BRWD1: variants seen among roughly 807,000 people sequenced by gnomAD.
The protein encoded by BRWD1 is bromodomain and WD repeat-containing protein 1.
Under a neutral mutation model 251.2 loss-of-function variants are expected in BRWD1, and 82 were observed. That is an observed-to-expected ratio of 0.33 (90% confidence interval 0.27 to 0.39). BRWD1 has a LOEUF of 0.39. BRWD1 is among the 10% of genes least tolerant of loss of function. BRWD1 has a pLI of 1.00. For synonymous variants in BRWD1, 918 were observed against 902.8 expected, an observed-to-expected ratio of 1.02 and a Z score of -0.30; for missense variants, 2,233 against 2,711.6, an observed-to-expected ratio of 0.82 and a Z score of 3.92.
In BRWD1 at chr21:39,190,881, C is replaced by T; in HGVS notation, c.*5378G>A. 3.0e-6 allele frequency: 3 copies of T among 985,312 alleles called. No individual in the cohort carries two copies. The highest frequency in any genetic ancestry group is 3.6e-6 in the Non-Finnish European group (3 of 829,878). The allele number at this position is 985,312 out of a possible 1,614,324, so 61.0% of individuals were successfully genotyped here. A position where few individuals can be genotyped will look rare whatever the true frequency, so the allele number is the denominator to read the frequency against. ...TATTCATTTTTAGGGTTCATTTACT[C>T]AATGATGGGCACCACACAACTCTGA... On this transcript the variant is annotated 3_prime_UTR_variant, in exon 41 of 41. Coordinates refer to ENST00000342449, the MANE Select transcript of BRWD1 (RefSeq NM_033656.4).
chr21:39,202,519 G>A lies in BRWD1; in HGVS notation c.4391C>T (p.Ser1464Phe), dbSNP rs148713185. The A allele has an allele frequency of 1.2e-6, 2 of 1,611,570 alleles. No individual in the cohort carries two copies. The highest frequency in any genetic ancestry group is 1.1e-5 in the South Asian group (1 of 91,004). Residue 1464 changes from serine to phenylalanine, a missense_variant, in exon 38 of 41, where the codon TCT becomes TTT. Around this residue, in one of 12 missense-constraint regions of BRWD1, gnomAD observed 928 missense variants for 970.0 expected, o/e 0.96. Transcript: ENST00000342449. ...IRNLKPKRLK[S>F]QTKIIPELVG... Reference sequence around the variant, plus strand: ...CAACTCAGGAATTATTTTTGTCTGAGATTTTAACCTCTTCGGCTTGAGGTT... The same window carrying A: ...CAACTCAGGAATTATTTTTGTCTGAAATTTTAACCTCTTCGGCTTGAGGTT...
At chr21:39,297,856 A>C (rs1258092981) in intron 5 of BRWD1, 1 of 973,784 alleles carries the variant, frequency 1.0e-6, no homozygotes, top group Non-Finnish European at 1.2e-6. Flanking sequence ...TATCACATAC[A>C]TATACTTAGT....
Position 39,228,521 on chromosome 21 carries a change from T to C in BRWD1, c.3187A>G (p.Arg1063Gly), listed in dbSNP as rs1351829018. ...TTACAAGACTGCCAATTCCTCTGTC[T>C]TGCTTCATCATAAAATTGACGCAAT... ...LVLRQFYDEA[R>G]QRNWQSCDRF... is the part of the protein sequence containing the mutation. Residue 1063 changes from arginine to glycine, a missense_variant, in exon 27 of 41, where the codon AGA (arginine) becomes GGA (glycine). This residue lies in a region of BRWD1 where 139 missense variants were observed against 272.8 expected (regional missense o/e 0.51). Coordinates refer to ENST00000342449, the MANE Select transcript of BRWD1 (RefSeq NM_033656.4). 1.9e-6 allele frequency: 3 copies of C among 1,612,830 alleles called. No homozygotes were observed. The African/African-American group carries it at 4.0e-5, about 22-fold the overall frequency.
intron 25 of BRWD1, among the ~76,000 whole-genome samples, chr21:39,231,503 C>T (rs1319558194): frequency 6.6e-6 from 1 of 152,096 alleles, no homozygotes; most frequent in African/African-American, 2.4e-5. Context: ...TTTCTGTCAA[C>T]AGTGAGTGAA....
chr21:39,309,155 AGAGT>A (rs1212107614), intron 4 of BRWD1, among the ~76,000 whole-genome samples: 1 of 150,468 alleles, frequency 6.6e-6, no homozygotes, highest in African/African-American at 2.4e-5. Context: ...GCCTGGCGAC[AGAGT>A]GAGACTCCAT....
In BRWD1 at chr21:39,210,717, A is replaced by G. The variant is rs1352299158; in HGVS notation, c.4044+69T>C. On this transcript the variant is annotated intron_variant, in intron 35 of 40. Coordinates refer to ENST00000342449, the MANE Select transcript of BRWD1 (RefSeq NM_033656.4). ...TGGGTATCTTTCTCTTTAAAGTTTA[A>G]TAACTCTACCCCAGTTTCCTCACTG... 4 of 1,491,348 alleles carry G rather than the reference A, an allele frequency of 2.7e-6. No homozygotes were observed. In the South Asian group the frequency reaches 4.2e-5, roughly 15 times the overall value. 92.4% of individuals were successfully genotyped at this position (1,491,348 alleles called of 1,614,324 possible). A position where few individuals can be genotyped will look rare whatever the true frequency, so the allele number is the denominator to read the frequency against.
intron 4 of BRWD1, among the ~76,000 whole-genome samples, chr21:39,301,861 G>A (rs191160268): frequency 6.8e-5 from 10 of 146,270 alleles, no homozygotes; most frequent in African/African-American, 2.3e-4. Context: ...ACATTAGGAA[G>A]GCATAAGGCA....
intron 40 of BRWD1, 142 bp downstream of exon 40, chr21:39,198,621 A>T (rs1311204217): frequency 6.1e-6 from 4 of 657,650 alleles, no homozygotes; most frequent in Non-Finnish European, 1.0e-5. Context: ...GAGAAGGCTA[A>T]CACAGAATGC....
chr21:39,251,031 T>A, intron 19 of BRWD1, 142 bp from the exon 20 acceptor site: 1 of 578,912 alleles, frequency 1.7e-6, no homozygotes. Flanking sequence ...TTAAAACATG[T>A]TAAAAATTTA....
rs572776166 is a variant in BRWD1 at position 39,199,781 on chromosome 21, G to A, written c.4754-119C>T. 195 of 1,044,722 alleles carry A rather than the reference G, an allele frequency of 1.9e-4. 3 individuals carry two copies. In the South Asian group the frequency reaches 2.2e-3, roughly 12 times the overall value. The allele number at this position is 1,044,722 out of a possible 1,614,324, so 64.7% of individuals were successfully genotyped here. A position where few individuals can be genotyped will look rare whatever the true frequency, so the allele number is the denominator to read the frequency against. ...GGGGGCGGGGAGGAGACGGAGTTTC[G>A]CTCTTGTTGCCCAGGCTGGAGTGCA... is the stretch of plus-strand genomic sequence containing the variant. On this transcript the variant is annotated intron_variant, in intron 39 of 40. Transcript: ENST00000342449.
intron 8 of BRWD1, among the ~76,000 whole-genome samples, chr21:39,291,340 C>A (rs2035801909): frequency 6.6e-6 from 1 of 152,162 alleles, no homozygotes; most frequent in Non-Finnish European, 1.5e-5. Context: ...ACCAATGTAC[C>A]TTTAAAAGCC....
At chr21:39,241,722 T>C (rs2034011142) in intron 21 of BRWD1, among the ~76,000 whole-genome samples, 1 of 152,130 alleles carries the variant, frequency 6.6e-6, no homozygotes, top group Non-Finnish European at 1.5e-5. Flanking sequence ...ACAGTTGTGT[T>C]TTTTACAAAT....
At chr21:39,229,191 AGGCTAT>A in intron 26 of BRWD1, 115 bp downstream of exon 26, 1 of 850,596 alleles carries the variant, frequency 1.2e-6, no homozygotes, top group Non-Finnish European at 1.8e-6. Flanking sequence ...GCCACATCTT[AGGCTAT>A]CCACAGTGCT....
chr21:39,228,781 CAAAAT>C (rs1036013017), intron 26 of BRWD1, among the ~76,000 whole-genome samples, 199 bp from the exon 27 acceptor site: 13 of 152,012 alleles, frequency 8.6e-5, no homozygotes, highest in Admixed American at 1.3e-4. Flanking sequence ...GTTATCAAAA[CAAAAT>C]AGAGATCTGA....
Position 39,269,899 on chromosome 21 carries a change from C to A in BRWD1, c.1530G>T (p.Met510Ile). Residue 510 changes from methionine (M) to isoleucine (I), a missense_variant and splice_region_variant, in exon 15 of 41, where the codon ATG becomes ATT. Met to Ile is a conservative substitution (Grantham distance 10, BLOSUM62 1). Transcript: ENST00000342449. ...TCAAGGTACATCTCACTTCACTTAC[C>A]ATATTAAAATAATGTTTCATCTTGG... ...KGTKMKHYFN[M>I]IEGQGHGAVF... The A allele has an allele frequency of 1.3e-6, 2 of 1,509,040 alleles. No individual in the cohort carries two copies. Among genetic ancestry groups the A allele is most frequent in the Non-Finnish European group, 8.9e-7 (1 of 1,123,742 alleles). The allele number at this position is 1,509,040 out of a possible 1,614,324, so 93.5% of individuals were successfully genotyped here.
intron 19 of BRWD1, among the ~76,000 whole-genome samples, chr21:39,253,025 C>T (rs1336979758): frequency 6.6e-6 from 1 of 152,162 alleles, no homozygotes; most frequent in Non-Finnish European, 1.5e-5. Context: ...TGCGGTGGCT[C>T]ACGCCTGTAA....
At chr21:39,237,567 T>C (rs1365473789) in intron 22 of BRWD1, among the ~76,000 whole-genome samples, 1 of 152,206 alleles carries the variant, frequency 6.6e-6, no homozygotes. Context: ...TATAAAAGCA[T>C]CTGTTTTAGA....
chr21:39,298,189 G>A, intron 5 of BRWD1: 3 of 1,145,978 alleles, frequency 2.6e-6, no homozygotes, highest in Non-Finnish European at 3.2e-6. Flanking sequence ...CAACATCTCA[G>A]AATAAATTCA....
chr21:39,210,616 A>C (rs2032613582), intron 35 of BRWD1, among the ~76,000 whole-genome samples, 170 bp downstream of exon 35: 1 of 152,166 alleles, frequency 6.6e-6, no homozygotes, highest in African/African-American at 2.4e-5. Flanking sequence ...GGTGTCTATA[A>C]ATTGAAGAAA....
Sources: gnomAD v4.1 joint callset for allele counts (sites outside exome capture counted in the v4.1 genomes callset) on GRCh38, gnomAD v4.1.1 for gene constraint, gnomAD v4.1.1 regional missense constraint, MANE v1.5 for transcripts, NCBI Gene and HGNC (gene_info 2026-07-23, HGNC 2026-07-21) for gene names.